LRRC37A2: variants seen among roughly 807,000 people sequenced by gnomAD.
LRRC37A2 encodes leucine-rich repeat-containing protein 37A2.
A neutral mutation model predicts 68.8 loss-of-function variants in LRRC37A2; 9 were observed. The observed-to-expected ratio is 0.13, with a 90% CI of 0.08 to 0.23. LRRC37A2 has a LOEUF of 0.23. Ranked by LOEUF, LRRC37A2 falls within the 10% of genes least tolerant of loss-of-function variation. The pLI, the probability that LRRC37A2 is intolerant of heterozygous loss-of-function variation, is 1.00. For missense variants in LRRC37A2, 168 were observed against 950.4 expected (o/e 0.18, Z 10.82); for synonymous variants, 63 against 367.6 (o/e 0.17, Z 9.48).
chr17:46,876,179 C>T, the LRRC37A2 span: 1 of 1,460,950 alleles, frequency 6.8e-7, no homozygotes, highest in South Asian at 1.4e-5. Context: ...GGTTGGTGCT[C>T]TGGGGGCAGG....
chr17:46,791,184 T>C, the LRRC37A2 span, among the ~76,000 whole-genome samples: 1 of 151,784 alleles, frequency 6.6e-6, no homozygotes, highest in Non-Finnish European at 1.5e-5. Flanking sequence ...GCAGCTACAT[T>C]TCCCCCCAAC....
chr17:46,963,012 C>T, the LRRC37A2 span, among the ~76,000 whole-genome samples: 1 of 150,624 alleles, frequency 6.6e-6, no homozygotes, highest in Admixed American at 6.6e-5. Flanking sequence ...GAAAGAATGC[C>T]ACATGGCTAA....
At chr17:46,946,418 G>A in the LRRC37A2 span, among the ~76,000 whole-genome samples, 2 of 140,870 alleles carry the variant, frequency 1.4e-5, no homozygotes, top group Admixed American at 7.5e-5. Flanking sequence ...CCGAGATCAC[G>A]CCATTGCACT....
At chr17:46,885,058 A>G in the LRRC37A2 span, 1 of 440,946 alleles carries the variant, frequency 2.3e-6, no homozygotes, top group Non-Finnish European at 4.5e-6. Flanking sequence ...GCAAGATCTC[A>G]GCTCATCACA....
At chr17:46,998,481 G>A in the LRRC37A2 span, among the ~76,000 whole-genome samples, 4 of 152,184 alleles carry the variant, frequency 2.6e-5, no homozygotes, top group Admixed American at 6.5e-5. Context: ...ACCACCATGC[G>A]TCCACAAGAG....
chr17:46,501,253 G>A, the LRRC37A2 span, among the ~76,000 whole-genome samples: 1 of 151,044 alleles, frequency 6.6e-6, no homozygotes, highest in Non-Finnish European at 1.5e-5. Context: ...TTGGCTCACT[G>A]CGACCTCCGC....
chr17:46,787,743 C>T, the LRRC37A2 span, among the ~76,000 whole-genome samples: 1 of 152,326 alleles, frequency 6.6e-6, no homozygotes, highest in Non-Finnish European at 1.5e-5. Flanking sequence ...CAACTGAAGT[C>T]AGGAGTTCGA....
the LRRC37A2 span, among the ~76,000 whole-genome samples, chr17:46,768,118 A>G: frequency 1.3e-5 from 2 of 152,180 alleles, no homozygotes; most frequent in South Asian, 2.1e-4. This position sits in a 1 kb window ranked among gnomAD's most constrained non-coding sequence, Gnocchi z 5.0. Flanking sequence ...GCTTTGTGCA[A>G]TCCACCAAGT....
the LRRC37A2 span, among the ~76,000 whole-genome samples, chr17:46,743,664 A>G: frequency 5.9e-5 from 9 of 152,130 alleles, no homozygotes; most frequent in Non-Finnish European, 1.3e-4. Context: ...ACTGGTTAAA[A>G]GGTGCAGCAT....
At chr17:46,979,226 C>A in the LRRC37A2 span, 14 of 426,560 alleles carry the variant, frequency 3.3e-5, no homozygotes, top group Non-Finnish European at 5.4e-5. Flanking sequence ...ACAGGCGGCG[C>A]AGGAGCTGGA....
At chr17:46,855,503 G>A in the LRRC37A2 span, among the ~76,000 whole-genome samples, 7 of 152,218 alleles carry the variant, frequency 4.6e-5, no homozygotes, top group Non-Finnish European at 4.4e-5. Context: ...AGTAGCACCT[G>A]GAGGTGCTAA....
the LRRC37A2 span, among the ~76,000 whole-genome samples, chr17:46,696,427 T>C: frequency 1.4e-5 from 2 of 138,672 alleles, no homozygotes; most frequent in African/African-American, 6.0e-5. Context: ...ATGTCAGATA[T>C]GGTCAACTTG....
At chr17:46,994,319 A>G in the LRRC37A2 span, among the ~76,000 whole-genome samples, 69,484 of 150,874 alleles carry the variant, frequency 0.46, 16,653 homozygotes, top group Non-Finnish European at 0.54. Flanking sequence ...CCGGAGGCGA[A>G]CGTTGTAGTG....
chr17:46,978,638 A>G, the LRRC37A2 span: 3 of 1,586,868 alleles, frequency 1.9e-6, no homozygotes, highest in Non-Finnish European at 2.6e-6. Context: ...GCGGACCCAG[A>G]TGGCGCTCAG....
chr17:46,721,713 G>A, the LRRC37A2 span: 21 of 1,606,474 alleles, frequency 1.3e-5, no homozygotes, highest in East Asian at 4.5e-5. Context: ...TTTATGAGCC[G>A]GCTGCTATCT....
the LRRC37A2 span, among the ~76,000 whole-genome samples, chr17:46,806,233 C>T: frequency 4.6e-5 from 3 of 65,602 alleles, no homozygotes; most frequent in African/African-American, 6.2e-5. Flanking sequence ...TTTTTTGAGA[C>T]AGAGTTTCGC....
At chr17:46,392,562 G>A in the LRRC37A2 span, among the ~76,000 whole-genome samples, 2 of 36,912 alleles carry the variant, frequency 5.4e-5, 1 homozygote, top group Non-Finnish European at 1.0e-4. Flanking sequence ...TTTTTGTAGA[G>A]TTTGGGTCTC....
chr17:46,811,471 G>A, the LRRC37A2 span, among the ~76,000 whole-genome samples: 1 of 152,212 alleles, frequency 6.6e-6, no homozygotes, highest in Admixed American at 6.5e-5. Flanking sequence ...TAGCCACTGT[G>A]CTCACGAGGG....
chr17:46,988,602 G>A, the LRRC37A2 span, among the ~76,000 whole-genome samples: 1 of 152,196 alleles, frequency 6.6e-6, no homozygotes, highest in Admixed American at 6.5e-5. Flanking sequence ...CCAGATTTCT[G>A]GCCTTCACTG....
Sources: allele counts gnomAD v4.1 joint callset (sites outside exome capture counted in the v4.1 genomes callset), GRCh38; gene constraint gnomAD v4.1.1; non-coding constraint Gnocchi (gnomAD v3.1); transcripts MANE v1.5; gene names NCBI Gene and HGNC (gene_info 2026-07-23, HGNC 2026-07-21).